STAT5B: variants seen among roughly 807,000 people sequenced by gnomAD.
The protein encoded by STAT5B is transcription factor STAT5B.
A neutral mutation model predicts 107.8 loss-of-function variants in STAT5B; 21 were observed. The observed-to-expected ratio is 0.19, with a 90% CI of 0.14 to 0.28. The LOEUF (loss-of-function observed/expected upper bound fraction) is 0.28. Among genes scored for constraint, STAT5B ranks in the 10% least tolerant of loss-of-function variants. The pLI, the probability that STAT5B is intolerant of heterozygous loss-of-function variation, is 1.00. For synonymous variants in STAT5B, 325 were observed against 401.7 expected, an observed-to-expected ratio of 0.81 and a Z score of 2.28; for missense variants, 565 against 1,008.2, an observed-to-expected ratio of 0.56 and a Z score of 5.95.
rs552020679 is a variant in STAT5B, at chr17:42,240,227, AAAC to A, written c.-10-8093_-10-8091del. 2.1e-3 allele frequency among the ~76,000 whole-genome samples: 317 copies of A among 152,374 alleles called. 2 individuals are homozygous for A. Among genetic ancestry groups the A allele is most frequent in the African/African-American group, 7.3e-3 (305 of 41,596 alleles). ...TCACCTCATAATCGCCCCAAAGTGG[AAAC>A]AACTCAAATGTCCACCAAAGGATAA... On this transcript the variant is annotated intron_variant, in intron 1 of 18. Transcript: ENST00000293328.
intron 9 of STAT5B, chr17:42,217,746 TG>T (rs1306670484): frequency 2.1e-6 from 1 of 476,752 alleles, no homozygotes; most frequent in Non-Finnish European, 3.8e-6. Flanking sequence ...TGGAGTGCAG[TG>T]GCGTGATCTC....
chr17:42,240,454 C>T lies in STAT5B; in HGVS notation c.-10-8317G>A, dbSNP rs188866246. 2.0e-3 allele frequency among the ~76,000 whole-genome samples: 301 copies of T among 151,916 alleles called. 1 individual carries two copies. Among genetic ancestry groups the T allele is most frequent in the South Asian group, 0.014 (68 of 4,820 alleles). On this transcript the variant is annotated intron_variant, in intron 1 of 18. Coordinates refer to ENST00000293328, the MANE Select transcript of STAT5B (RefSeq NM_012448.4). ...TCCGGAATAGGCAAATCCATAGAGA[C>T]GGAAAATAGATTGTTGGTTGCCAAG...
intron 9 of STAT5B, 148 bp from the exon 10 acceptor site, chr17:42,217,612 A>G: frequency 1.3e-6 from 1 of 778,230 alleles, no homozygotes; most frequent in South Asian, 1.5e-5. Context: ...TAACACATAC[A>G]TGTAATCTTC....
At chr17:42,221,276 G>GCAGATCAATAGTCTGTGTTTC (rs1567660977) in intron 5 of STAT5B, among the ~76,000 whole-genome samples, 6 of 152,130 alleles carry the variant, frequency 3.9e-5, no homozygotes, top group African/African-American at 1.4e-4. Flanking sequence ...CACAGGGAGG[G>GCAGATCAATAGTCTGTGTTTC]TGGTGGTGAT....
chr17:42,227,142 A>AATAAATAAATAC, intron 3 of STAT5B, among the ~76,000 whole-genome samples: 1 of 148,006 alleles, frequency 6.8e-6, no homozygotes, highest in Admixed American at 6.8e-5. Context: ...CTCAAAAATA[A>AATAAATAAATAC]ATAAATAAAT....
intron 7 of STAT5B, 90 bp from the exon 8 acceptor site, chr17:42,218,968 G>A: frequency 6.3e-7 from 1 of 1,597,260 alleles, no homozygotes; most frequent in Non-Finnish European, 8.5e-7. Context: ...CCCCCAGGAA[G>A]GCTCTGTGCT....
chr17:42,202,362 G>A lies in STAT5B; in HGVS notation c.2215C>T (p.His739Tyr), dbSNP rs372734271. The change falls in exon 18 of 19, where the codon CAC becomes TAC. Residue 739 changes from histidine (H) to tyrosine (Y), a missense_variant. Transcript: ENST00000293328. ...TACTTCTGTGGGTACATGTTATAGT[G>A]AGCCTGGGGACACACAGCTGGGGAG... ...APSPAVCPQA[H>Y]YNMYPQNPDS... The A allele has an allele frequency of 2.2e-5, 35 of 1,614,108 alleles. No individual in the cohort carries two copies. The Middle Eastern group carries it at 6.6e-4, about 30-fold the overall frequency.
At chr17:42,231,056 G>C (rs2080313559) in intron 2 of STAT5B, among the ~76,000 whole-genome samples, 1 of 151,798 alleles carries the variant, frequency 6.6e-6, no homozygotes, top group African/African-American at 2.4e-5. Flanking sequence ...TTAGTTTTTT[G>C]TTAGATGTAA....
Position 42,217,414 on chromosome 17 carries a change from T to C in STAT5B, c.1220A>G (p.Gln407Arg). The change falls in exon 10 of 19, where the codon CAA becomes CGA. Residue 407 changes from glutamine to arginine, a missense_variant. Around this residue, in one of 11 missense-constraint regions of STAT5B, gnomAD observed 70 missense variants for 73.2 expected, o/e 0.96. Transcript: ENST00000293328. ...GTGGGCACTAAGGGTGCCTGTGGCT[T>C]GGTGGTACTCCATGACGCAGCAGTT... ...LNNCCVMEYH[Q>R]ATGTLSAHFR... is the part of the protein sequence containing the mutation. 1.9e-6 allele frequency: 3 copies of C among 1,614,226 alleles called. No homozygotes were observed. The highest frequency in any genetic ancestry group is 2.5e-6 in the Non-Finnish European group (3 of 1,180,038).
intron 1 of STAT5B, among the ~76,000 whole-genome samples, chr17:42,266,451 T>C (rs1471279131): frequency 6.6e-6 from 1 of 151,874 alleles, no homozygotes; most frequent in Non-Finnish European, 1.5e-5. Context: ...AAATTTTAAA[T>C]GTGTGTCTAA....
intron 13 of STAT5B, 79 bp downstream of exon 13, chr17:42,211,905 G>A: frequency 1.3e-6 from 2 of 1,545,544 alleles, no homozygotes; most frequent in Non-Finnish European, 1.8e-6. Flanking sequence ...GAAGAATAAG[G>A]GCCCAGGGCA....
chr17:42,285,784 C>G, the STAT5B span, among the ~76,000 whole-genome samples: 3 of 152,168 alleles, frequency 2.0e-5, no homozygotes, highest in Non-Finnish European at 2.9e-5. Context: ...TTTGCCCATC[C>G]TGGGAAAGTT....
intron 1 of STAT5B, among the ~76,000 whole-genome samples, chr17:42,257,153 T>TA (rs2080553208): frequency 6.6e-6 from 1 of 152,174 alleles, no homozygotes; most frequent in Non-Finnish European, 1.5e-5. Flanking sequence ...AGACATGCTT[T>TA]ATGTAACTTA....
chr17:42,210,049 A>G lies in STAT5B; in HGVS notation c.1906+122T>C. 4 of 1,447,986 alleles carry G rather than the reference A, an allele frequency of 2.8e-6. No homozygotes were observed. In the South Asian group the frequency reaches 4.8e-5, roughly 18 times the overall value. The allele number at this position is 1,447,986 out of a possible 1,614,324, so 89.7% of individuals were successfully genotyped here. On this transcript the variant is annotated intron_variant, in intron 15 of 18. Coordinates refer to ENST00000293328, the MANE Select transcript of STAT5B (RefSeq NM_012448.4). ...TATTATGAGTATGTCATGGCTATACATTTATGTTTCCCATAATTAGTACTG... is the reference window on the plus strand; with the variant it reads ...TATTATGAGTATGTCATGGCTATACGTTTATGTTTCCCATAATTAGTACTG...
At chr17:42,227,399 A>C in intron 3 of STAT5B, 130 bp downstream of exon 3, 1 of 1,352,694 alleles carries the variant, frequency 7.4e-7, no homozygotes, top group Non-Finnish European at 1.0e-6. Flanking sequence ...AAAAAGACCA[A>C]AACCACACAA....
In STAT5B at chr17:42,237,569, T is replaced by A. The variant is rs527477359; in HGVS notation, c.-10-5432A>T. 2.0e-5 allele frequency among the ~76,000 whole-genome samples: 3 copies of A among 152,266 alleles called. No homozygotes were observed. In the South Asian group the frequency reaches 6.2e-4, roughly 32 times the overall value. On this transcript the variant is annotated intron_variant, in intron 1 of 18. Coordinates refer to ENST00000293328, the MANE Select transcript of STAT5B (RefSeq NM_012448.4). ...CCAACTCAGTGAATGAATTCTAGTG[T>A]GGGGTGGGAGTAGGGGGTTAATATG...
intron 1 of STAT5B, among the ~76,000 whole-genome samples, chr17:42,255,035 G>A (rs967208000): frequency 6.6e-6 from 1 of 152,126 alleles, no homozygotes; most frequent in African/African-American, 2.4e-5. Context: ...AGGTTGCAGG[G>A]AGCCGAGATC....
chr17:42,218,939 C>A, intron 7 of STAT5B, 61 bp from the exon 8 acceptor site: 2 of 1,613,360 alleles, frequency 1.2e-6, no homozygotes, highest in Non-Finnish European at 1.7e-6. Flanking sequence ...ACGCCAGGCC[C>A]CAAGACACAG....
intron 1 of STAT5B, among the ~76,000 whole-genome samples, chr17:42,273,640 T>C (rs1317841159): frequency 1.3e-5 from 2 of 152,152 alleles, no homozygotes; most frequent in Admixed American, 6.5e-5. Context: ...GGCACGAAAA[T>C]AGTTAGGCTT....
Sources: gnomAD v4.1 joint callset for allele counts (sites outside exome capture counted in the v4.1 genomes callset) on GRCh38, gnomAD v4.1.1 for gene constraint, gnomAD v4.1.1 regional missense constraint, MANE v1.5 for transcripts, NCBI Gene and HGNC (gene_info 2026-07-23, HGNC 2026-07-21) for gene names.